Variants in GRIK3 observed in about 807,000 individuals in gnomAD.
The protein encoded by GRIK3 is glutamate ionotropic receptor kainate type subunit 3, also known as glutamate receptor ionotropic, kainate 3.
A neutral mutation model predicts 102.5 loss-of-function variants in GRIK3; 29 were observed. That is an observed-to-expected ratio of 0.28 (90% CI 0.21 to 0.39). The LOEUF (loss-of-function observed/expected upper bound fraction) is 0.39. GRIK3 is among the 10% of genes least tolerant of loss of function. The pLI is 1.00. For missense variants in GRIK3, 908 were observed against 1,252.4 expected (o/e 0.73, Z 4.15); for synonymous variants, 511 against 504.9 (o/e 1.01, Z -0.16).
rs147911133 is a variant in GRIK3 at position 37,029,305 on chromosome 1, G to A, written c.115+4689C>T. 9.0e-3 allele frequency among the ~76,000 whole-genome samples: 1,368 copies of A among 152,304 alleles called. 14 individuals are homozygous for A. Among genetic ancestry groups the A allele is most frequent in the African/African-American group, 0.029 (1,218 of 41,550 alleles). ...GTGCCTGCTGGGTGCTAGCCTCAACGAGGGCCCTGCTCCTGCAACATTGGT... is the reference window on the plus strand; with the variant it reads ...GTGCCTGCTGGGTGCTAGCCTCAACAAGGGCCCTGCTCCTGCAACATTGGT... On this transcript the variant is annotated intron_variant, in intron 1 of 15. Coordinates refer to ENST00000373091, the MANE Select transcript of GRIK3 (RefSeq NM_000831.4).
intron 1 of GRIK3, among the ~76,000 whole-genome samples, chr1:36,945,393 C>T (rs1350549184): frequency 2.6e-5 from 4 of 152,164 alleles, no homozygotes; most frequent in African/African-American, 7.2e-5. Context: ...GGGGCCTCTG[C>T]CTGGTCAGGG....
At chr1:36,956,151 T>C (rs1641903514) in intron 1 of GRIK3, among the ~76,000 whole-genome samples, 1 of 152,094 alleles carries the variant, frequency 6.6e-6, no homozygotes, top group Non-Finnish European at 1.5e-5. Context: ...CTTTTCAACA[T>C]CATCCTCTCC....
At chr1:36,965,370 C>G (rs2124352462) in intron 1 of GRIK3, among the ~76,000 whole-genome samples, 1 of 152,208 alleles carries the variant, frequency 6.6e-6, no homozygotes, top group South Asian at 2.1e-4. Context: ...TGAGAATAAG[C>G]AAGCAAATAA....
chr1:36,986,900 C>T (rs1294841410), intron 1 of GRIK3, among the ~76,000 whole-genome samples: 1 of 152,174 alleles, frequency 6.6e-6, no homozygotes, highest in African/African-American at 2.4e-5. Flanking sequence ...AGCCACTGAG[C>T]TCAAAACTAA....
intron 10 of GRIK3, among the ~76,000 whole-genome samples, chr1:36,840,254 A>C (rs1436686740): frequency 1.3e-5 from 2 of 152,160 alleles, no homozygotes; most frequent in Non-Finnish European, 2.9e-5. Context: ...AGTATGGATC[A>C]GGTCCTTGAA....
intron 1 of GRIK3, among the ~76,000 whole-genome samples, chr1:37,023,410 G>A (rs1642735747): frequency 6.6e-6 from 1 of 152,144 alleles, no homozygotes; most frequent in African/African-American, 2.4e-5. Flanking sequence ...AAAGCACAGT[G>A]CCTTCTGGGG....
rs1640860229 is a variant in GRIK3 at position 36,872,988 on chromosome 1, G to C, written c.551-619C>G. Among the ~76,000 whole-genome samples the C allele has an allele frequency of 6.6e-6, 1 of 152,168 alleles. No individual in the cohort carries two copies. The highest frequency in any genetic ancestry group is 6.5e-5 in the Admixed American group (1 of 15,280). On this transcript the variant is annotated intron_variant, in intron 3 of 15. Coordinates refer to ENST00000373091, the MANE Select transcript of GRIK3 (RefSeq NM_000831.4). The surrounding 1 kb of genome is among the most constrained non-coding windows in gnomAD (Gnocchi z 5.9). ...GTCCTCACTAAGGGCAGTCTGCCTT[G>C]GTAAACCTTACCCACTTTTTCAGGT...
intron 1 of GRIK3, among the ~76,000 whole-genome samples, chr1:37,021,038 G>C (rs967614024): frequency 1.3e-5 from 2 of 151,956 alleles, no homozygotes; most frequent in Non-Finnish European, 2.9e-5. Flanking sequence ...CATTGGAAAA[G>C]TCTAGGCTCT....
At chr1:36,875,784 C>T (rs1297674793) in intron 3 of GRIK3, among the ~76,000 whole-genome samples, 2 of 152,204 alleles carry the variant, frequency 1.3e-5, no homozygotes, top group East Asian at 3.8e-4. Context: ...TAAACAAATG[C>T]TTATTATTTT....
At chr1:36,912,336 A>T (rs1391389377) in intron 1 of GRIK3, among the ~76,000 whole-genome samples, 1 of 152,116 alleles carries the variant, frequency 6.6e-6, no homozygotes, top group African/African-American at 2.4e-5. Context: ...GAGCTGGTGG[A>T]TAAACGTCCA....
Position 36,977,071 on chromosome 1 carries a change from G to A in GRIK3, c.115+56923C>T, listed in dbSNP as rs142037998. On this transcript the variant is annotated intron_variant, in intron 1 of 15. Transcript: ENST00000373091. ...TGTCAGTCCCCTCCCCTCCCCACAGGAAGCCAGTCCACATCATCCCTCTGG... is the reference window on the plus strand; with the variant it reads ...TGTCAGTCCCCTCCCCTCCCCACAGAAAGCCAGTCCACATCATCCCTCTGG... Among the ~76,000 whole-genome samples, 865 of 152,258 alleles carry A rather than the reference G, an allele frequency of 5.7e-3. 11 individuals are homozygous for A. Among genetic ancestry groups the A allele is most frequent in the African/African-American group, 0.02 (825 of 41,540 alleles).
chr1:36,838,692 C>T (rs1223186159), intron 10 of GRIK3, among the ~76,000 whole-genome samples: 2 of 152,142 alleles, frequency 1.3e-5, no homozygotes, highest in Admixed American at 6.5e-5. Flanking sequence ...GGGGGGTGGA[C>T]ACTTACAAAG....
At chr1:36,918,040 G>C (rs1364518500) in intron 1 of GRIK3, among the ~76,000 whole-genome samples, 2 of 152,238 alleles carry the variant, frequency 1.3e-5, no homozygotes, top group African/African-American at 4.8e-5. Flanking sequence ...CCATGGAGAA[G>C]AGAAGTAGCT....
chr1:36,956,686 G>A (rs1278626038), intron 1 of GRIK3, among the ~76,000 whole-genome samples: 1 of 152,218 alleles, frequency 6.6e-6, no homozygotes, highest in African/African-American at 2.4e-5. Context: ...CCCCCGAGGT[G>A]CACAGGAAAC....
At chr1:37,027,954 A>G (rs1312554611) in intron 1 of GRIK3, among the ~76,000 whole-genome samples, 2 of 152,052 alleles carry the variant, frequency 1.3e-5, no homozygotes, top group Non-Finnish European at 2.9e-5. Context: ...TGCCCAACCC[A>G]CGGTGTCTGT....
rs1557714553 is a variant in GRIK3, at chr1:36,887,768, A to AT, written c.292+3151_292+3152insA. Among the ~76,000 whole-genome samples the AT allele has an allele frequency of 2.9e-3, 309 of 107,418 alleles. 1 individual carries two copies. The highest frequency in any genetic ancestry group is 0.01 in the African/African-American group (253 of 24,760). The allele number at this position is 107,418 out of a possible 152,430, so 70.5% of individuals were successfully genotyped here. A position where few individuals can be genotyped will look rare whatever the true frequency, so the allele number is the denominator to read the frequency against. ...TGAAATTCCATCTCAAAAAAAAAAAAAAAATATATATATATATATATAGTG... is the reference window on the plus strand; with the variant it reads ...TGAAATTCCATCTCAAAAAAAAAAAATAAAATATATATATATATATATAGTG... On this transcript the variant is annotated intron_variant, in intron 2 of 15. Transcript: ENST00000373091.
intron 1 of GRIK3, among the ~76,000 whole-genome samples, chr1:36,986,687 C>G (rs768430702): frequency 6.6e-6 from 1 of 152,184 alleles, no homozygotes; most frequent in South Asian, 2.1e-4. Flanking sequence ...GAGCAGGGAG[C>G]TGCTGAAGCA....
rs190928347 is a variant in GRIK3 at position 36,954,467 on chromosome 1, G to A, written c.116-63371C>T. Among the ~76,000 whole-genome samples, 6 of 152,306 alleles carry A rather than the reference G, an allele frequency of 3.9e-5. No homozygotes were observed. In the East Asian group the frequency reaches 5.8e-4, roughly 15 times the overall value. On this transcript the variant is annotated intron_variant, in intron 1 of 15. Coordinates refer to ENST00000373091, the MANE Select transcript of GRIK3 (RefSeq NM_000831.4). The stretch of plus-strand genomic sequence containing the variant: ...TGAGAGTGGCCTGGAGGAGGCCCCC[G>A]ACCCTGAAGGCCAACAGAAAGCATG...
At chr1:36,860,287 A>G (rs1640707332) in intron 5 of GRIK3, among the ~76,000 whole-genome samples, 1 of 152,138 alleles carries the variant, frequency 6.6e-6, no homozygotes, top group African/African-American at 2.4e-5. Context: ...ATGGGGTTCA[A>G]TCCCCTTTCT....
Sources: gnomAD v4.1 joint callset for allele counts (sites outside exome capture counted in the v4.1 genomes callset) on GRCh38, gnomAD v4.1.1 for gene constraint, Gnocchi (gnomAD v3.1) non-coding constraint, MANE v1.5 for transcripts, NCBI Gene and HGNC (gene_info 2026-07-23, HGNC 2026-07-21) for gene names.